The following SMIM10L3 variants were observed in gnomAD, a reference collection of about 807,000 sequenced individuals.
SMIM10L3 encodes the protein salivary gland specific protein SAGSIN1.
chr7:6,336,958 T>C, the SMIM10L3 span, among the ~76,000 whole-genome samples: 1 of 152,140 alleles, frequency 6.6e-6, no homozygotes, highest in African/African-American at 2.4e-5. Context: ...CTGGCCATAT[T>C]CTTTCAAACC....
chr7:6,331,116 T>C, the SMIM10L3 span: 2 of 1,613,178 alleles, frequency 1.2e-6, no homozygotes, highest in African/African-American at 1.3e-5. Flanking sequence ...GCTGCACTTG[T>C]GCCAGGCAGG....
chr7:6,343,490 A>G, the SMIM10L3 span, among the ~76,000 whole-genome samples: 1 of 146,106 alleles, frequency 6.8e-6, no homozygotes, highest in Non-Finnish European at 1.5e-5. Flanking sequence ...AGGCCATATA[A>G]CTGAAAAGTT....
the SMIM10L3 span, among the ~76,000 whole-genome samples, chr7:6,337,220 T>C: frequency 2.0e-5 from 3 of 152,104 alleles, no homozygotes; most frequent in African/African-American, 7.2e-5. Context: ...TACAGGTGTA[T>C]GCCACCATGG....
the SMIM10L3 span, chr7:6,348,551 C>T: frequency 2.3e-6 from 1 of 427,520 alleles, no homozygotes; most frequent in South Asian, 5.8e-5. Flanking sequence ...GGCCGGGGGC[C>T]GGGCAGGCAC....
the SMIM10L3 span, among the ~76,000 whole-genome samples, chr7:6,347,210 G>T: frequency 3.5e-3 from 527 of 152,244 alleles, 5 homozygotes; most frequent in Non-Finnish European, 6.0e-3. Flanking sequence ...GGAATTCAAG[G>T]GATGTAGAAA....
At chr7:6,345,278 C>T in the SMIM10L3 span, among the ~76,000 whole-genome samples, 4 of 151,694 alleles carry the variant, frequency 2.6e-5, no homozygotes, top group East Asian at 1.9e-4. Context: ...CCACGACACC[C>T]GGCTAATTTA....
At chr7:6,339,387 G>A in the SMIM10L3 span, among the ~76,000 whole-genome samples, 1 of 152,166 alleles carries the variant, frequency 6.6e-6, no homozygotes, top group Non-Finnish European at 1.5e-5. Flanking sequence ...AGGATCGTTT[G>A]AGCCTAGGAG....
At chr7:6,334,971 T>C in the SMIM10L3 span, among the ~76,000 whole-genome samples, 1 of 151,526 alleles carries the variant, frequency 6.6e-6, no homozygotes, top group Non-Finnish European at 1.5e-5. Flanking sequence ...TTCTTCATGT[T>C]GGTCAGGCTG....
the SMIM10L3 span, among the ~76,000 whole-genome samples, chr7:6,348,232 A>AGG: frequency 0.023 from 3,334 of 145,160 alleles, 71 homozygotes; most frequent in South Asian, 0.076. Context: ...ATTAAAAATA[A>AGG]GGGGGGGGGT....
At chr7:6,339,693 G>T in the SMIM10L3 span, among the ~76,000 whole-genome samples, 1 of 151,698 alleles carries the variant, frequency 6.6e-6, no homozygotes, top group Non-Finnish European at 1.5e-5. Flanking sequence ...CCATGGTCTC[G>T]ATCTCCTGAC....
chr7:6,348,810 C>G, the SMIM10L3 span: 1 of 395,860 alleles, frequency 2.5e-6, no homozygotes. Context: ...CGCGCCGCGT[C>G]GCCCCGGCAG....
the SMIM10L3 span, among the ~76,000 whole-genome samples, chr7:6,334,068 T>A: frequency 6.6e-6 from 1 of 151,002 alleles, no homozygotes; most frequent in Non-Finnish European, 1.5e-5. Flanking sequence ...GGATGGAATC[T>A]ATCTCCTGAC....
At chr7:6,338,511 T>C in the SMIM10L3 span, 1 of 152,150 alleles carries the variant, frequency 6.6e-6, no homozygotes, top group Non-Finnish European at 1.5e-5. Flanking sequence ...AGGGTAAATC[T>C]TGCAGCCTAT....
the SMIM10L3 span, among the ~76,000 whole-genome samples, chr7:6,347,759 T>A: frequency 6.6e-6 from 1 of 151,776 alleles, no homozygotes; most frequent in African/African-American, 2.4e-5. Context: ...AAGGATAACA[T>A]AAAACGTCTA....
chr7:6,334,805 G>A, the SMIM10L3 span, among the ~76,000 whole-genome samples: 7 of 49,028 alleles, frequency 1.4e-4, no homozygotes, highest in Non-Finnish European at 2.8e-4. Flanking sequence ...AGTTTCACTC[G>A]TTACCCAGGC....
chr7:6,333,965 G>A, the SMIM10L3 span, among the ~76,000 whole-genome samples: 1 of 149,406 alleles, frequency 6.7e-6, no homozygotes, highest in African/African-American at 2.5e-5. Context: ...TCCTGCCTCA[G>A]CCTCCCAAGT....
At chr7:6,332,481 C>T in the SMIM10L3 span, among the ~76,000 whole-genome samples, 92 of 152,226 alleles carry the variant, frequency 6.0e-4, no homozygotes, top group Non-Finnish European at 1.1e-3. Context: ...TTAATTGACA[C>T]GTTAAATGTA....
At chr7:6,334,122 A>T in the SMIM10L3 span, among the ~76,000 whole-genome samples, 3 of 151,376 alleles carry the variant, frequency 2.0e-5, no homozygotes, top group South Asian at 2.1e-4. Context: ...CTGGGATTAC[A>T]AGCGTGAGCC....
At chr7:6,347,176 T>C in the SMIM10L3 span, among the ~76,000 whole-genome samples, 2 of 151,664 alleles carry the variant, frequency 1.3e-5, no homozygotes, top group Admixed American at 1.3e-4. Context: ...AAAAGGAAAA[T>C]ATAAAAGAAA....
Sources: gnomAD v4.1 joint callset for allele counts (sites outside exome capture counted in the v4.1 genomes callset) on GRCh38, gnomAD v4.1.1 for gene constraint, MANE v1.5 for transcripts, NCBI Gene and HGNC (gene_info 2026-07-23, HGNC 2026-07-21) for gene names.